HROB: variants seen among roughly 807,000 people sequenced by gnomAD.
HROB encodes homologous recombination OB-fold protein.
A neutral mutation model predicts 61.0 loss-of-function variants in HROB; 44 were observed. That is an observed-to-expected ratio of 0.72 (90% CI 0.57 to 0.93). The LOEUF (loss-of-function observed/expected upper bound fraction) is 0.93. Among genes scored for constraint, HROB ranks in the 40% least tolerant of loss-of-function variants. HROB has a pLI of 0.00. For missense variants in HROB, 716 were observed against 796.2 expected (o/e 0.90, Z 1.21); for synonymous variants, 301 against 310.4 (o/e 0.97, Z 0.32).
At chr17:44,159,829 C>T (rs1158634223) in intron 9 of HROB, among the ~76,000 whole-genome samples, 1 of 152,216 alleles carries the variant, frequency 6.6e-6, no homozygotes, top group East Asian at 1.9e-4. Context: ...AAAAGAAGAA[C>T]CAGGTATACA....
chr17:44,148,981 C>T lies in HROB; in HGVS notation c.1178C>T (p.Ala393Val). The change falls in exon 3 of 10, where the codon GCC becomes GTC. Residue 393 changes from alanine to valine, a missense_variant. By Grantham distance (64) the Ala-to-Val change is moderately conservative. Transcript: ENST00000585683. ...CAGCCCACCCATCCCTCCACCCGAGCCAAAACTCGCCGTTTCCCTGGCCCA... is the reference window on the plus strand; with the variant it reads ...CAGCCCACCCATCCCTCCACCCGAGTCAAAACTCGCCGTTTCCCTGGCCCA... ...PQQPTHPSTR[A>V]KTRRFPGPAG... 1 of 1,613,990 alleles carries T rather than the reference C, an allele frequency of 6.2e-7. No individual in the cohort carries two copies. The highest frequency in any genetic ancestry group is 1.7e-5 in the Admixed American group (1 of 60,002).
chr17:44,152,783 G>A lies in HROB; in HGVS notation c.1449+6G>A, dbSNP rs945748103. ...TTGTCATGGTGCTGCGCAAGGTAAG[G>A]ATTCTGGGTGCTGAGACCCAAAGGA... On this transcript the variant is annotated splice_donor_region_variant and intron_variant, in intron 5 of 9. Coordinates refer to ENST00000585683, the MANE Select transcript of HROB (RefSeq NM_001171251.3). 6.2e-6 allele frequency: 10 copies of A among 1,611,536 alleles called. No individual in the cohort carries two copies. Among genetic ancestry groups the A allele is most frequent in the Non-Finnish European group, 7.6e-6 (9 of 1,178,844 alleles).
chr17:44,156,464 T>C (rs1327476013), intron 8 of HROB, among the ~76,000 whole-genome samples: 1 of 152,140 alleles, frequency 6.6e-6, no homozygotes, highest in Non-Finnish European at 1.5e-5. Flanking sequence ...CCTCAGGTGA[T>C]TGGCCTGCCT....
intron 9 of HROB, among the ~76,000 whole-genome samples, chr17:44,159,670 C>T (rs937122877): frequency 2.6e-5 from 4 of 152,226 alleles, no homozygotes; most frequent in Non-Finnish European, 4.4e-5. Context: ...AAGCAAGTCA[C>T]GTGTCCACGT....
In HROB at chr17:44,141,972, G is replaced by GCGGC; in HGVS notation, c.-171_-170insCGGC. Reference sequence around the variant, plus strand: ...ATGCGGCCTAAGGCGCCTGCCGCCAGTCTCCTGGCGACTTTCCCTATATCG... The same window carrying GCGGC: ...ATGCGGCCTAAGGCGCCTGCCGCCAGCGGCTCTCCTGGCGACTTTCCCTATATCG... On this transcript the variant is annotated 5_prime_UTR_variant, in exon 1 of 10. Transcript: ENST00000585683. The GCGGC allele has an allele frequency of 3.2e-6, 3 of 935,768 alleles. No homozygotes were observed. The highest frequency in any genetic ancestry group is 4.6e-6 in the Non-Finnish European group (3 of 657,742). The allele number at this position is 935,768 out of a possible 1,614,324, so 58.0% of individuals were successfully genotyped here. A position where few individuals can be genotyped will look rare whatever the true frequency, so the allele number is the denominator to read the frequency against.
intron 1 of HROB, among the ~76,000 whole-genome samples, chr17:44,143,191 G>T (rs1000500311): frequency 6.6e-6 from 1 of 152,038 alleles, no homozygotes; most frequent in Admixed American, 6.5e-5. Context: ...ACCCGCCTTG[G>T]CGTCACAAAG....
In HROB at chr17:44,148,826, A is replaced by G. The variant is rs201288595; in HGVS notation, c.1023A>G (p.Gln341=). 6.2e-7 allele frequency: 1 copy of G among 1,613,986 alleles called. No homozygotes were observed. The highest frequency in any genetic ancestry group is 1.1e-5 in the South Asian group (1 of 91,074). The change falls in exon 3 of 10, where the codon CAA becomes CAG. Residue 341 remains glutamine (Q), a synonymous_variant. Coordinates refer to ENST00000585683, the MANE Select transcript of HROB (RefSeq NM_001171251.3). ...SSGLFPRIPL[Q]PQAPVSSIGS... ...GATTATTTCCTCGGATACCCTTACA[A>G]CCGCAAGCTCCAGTGTCTTCCATTG...
Position 44,157,879 on chromosome 17 carries a change from G to A in HROB, c.1817G>A (p.Gly606Asp), listed in dbSNP as rs768858212. The A allele has an allele frequency of 1.9e-6, 3 of 1,613,774 alleles. No homozygotes were observed. Among genetic ancestry groups the A allele is most frequent in the Non-Finnish European group, 2.5e-6 (3 of 1,179,828 alleles). Residue 606 changes from glycine to aspartate, a missense_variant, in exon 9 of 10, where the codon GGC becomes GAC. Physicochemically the swap from Gly to Asp is moderately conservative, Grantham distance 94. Coordinates refer to ENST00000585683, the MANE Select transcript of HROB (RefSeq NM_001171251.3). ...GATGTGGCTGCAAAGCCCGAGGAAG[G>A]CTTCAGAACAGCACAGAACCTAGAG... ...QHDVAAKPEEGFRTAQNLEAE... is the reference protein window; with the variant it reads ...QHDVAAKPEEDFRTAQNLEAE...
chr17:44,146,273 T>C (rs1020720912), intron 2 of HROB, among the ~76,000 whole-genome samples: 5 of 152,130 alleles, frequency 3.3e-5, no homozygotes, highest in Admixed American at 3.3e-4. Context: ...TGGTCTCAAA[T>C]TCCTGGGCTC....
chr17:44,151,377 G>C (rs2053799855), intron 4 of HROB, among the ~76,000 whole-genome samples: 1 of 152,154 alleles, frequency 6.6e-6, no homozygotes, highest in East Asian at 1.9e-4. Context: ...CTTCCTCTCA[G>C]GTTTCTGAGA....
In HROB at chr17:44,148,351, T is replaced by C. The variant is rs894857786; in HGVS notation, c.548T>C (p.Ile183Thr). 6.2e-7 allele frequency: 1 copy of C among 1,614,066 alleles called. No individual in the cohort carries two copies. The highest frequency in any genetic ancestry group is 8.5e-7 in the Non-Finnish European group (1 of 1,179,996). The change falls in exon 3 of 10, where the codon ATA (isoleucine) becomes ACA (threonine). Residue 183 changes from isoleucine to threonine, a missense_variant. Transcript: ENST00000585683. ...ELECGVSSEA[I>T]PILPAQQREG... ...GAATGTGGAGTCAGCAGTGAGGCCA[T>C]ACCAATCCTGCCTGCCCAGCAGCGG...
At position 44,145,114 on chromosome 17, in the gene HROB, T is replaced by TATCCCATCAGCC. The variant is rs2053573719; in HGVS notation, c.4-87_4-86insCCCATCAGCCAT. 3.0e-6 allele frequency: 4 copies of TATCCCATCAGCC among 1,346,458 alleles called. No homozygotes were observed. The African/African-American group carries it at 5.8e-5, about 20-fold the overall frequency. The allele number at this position is 1,346,458 out of a possible 1,614,324, so 83.4% of individuals were successfully genotyped here. On this transcript the variant is annotated intron_variant, in intron 1 of 9. Coordinates refer to ENST00000585683, the MANE Select transcript of HROB (RefSeq NM_001171251.3). ...AAACAAAAAACAATATACCTGATGG[T>TATCCCATCAGCC]ATTGTTAGTGCTGGGAAGAAGCAGA...
intron 4 of HROB, among the ~76,000 whole-genome samples, chr17:44,152,200 G>A (rs983256302): frequency 6.6e-6 from 1 of 151,612 alleles, no homozygotes. Flanking sequence ...GGCTGGTCTC[G>A]AACTCTTGTC....
chr17:44,162,085 G>A lies in HROB; in HGVS notation c.*153G>A. On this transcript the variant is annotated 3_prime_UTR_variant, in exon 10 of 10. Coordinates refer to ENST00000585683, the MANE Select transcript of HROB (RefSeq NM_001171251.3). The stretch of plus-strand genomic sequence containing the variant: ...CTCCCACCCTGGGTGTTTTCCCTGA[G>A]AGCCCCCTCATCTCTGCGCTGCCCT... 1.3e-6 allele frequency: 1 copy of A among 776,176 alleles called. No individual in the cohort carries two copies. Among genetic ancestry groups the A allele is most frequent in the South Asian group, 1.8e-5 (1 of 56,436 alleles). 48.1% of individuals were successfully genotyped at this position (776,176 alleles called of 1,614,324 possible).
At chr17:44,159,613 G>A (rs2054071885) in intron 9 of HROB, among the ~76,000 whole-genome samples, 1 of 152,250 alleles carries the variant, frequency 6.6e-6, no homozygotes. Flanking sequence ...TACAAGGCAA[G>A]GGGGCAGGGT....
At chr17:44,153,876 C>A (rs1448382319) in intron 5 of HROB, among the ~76,000 whole-genome samples, 2 of 150,838 alleles carry the variant, frequency 1.3e-5, no homozygotes, top group African/African-American at 4.9e-5. Context: ...ATGGTGAAAC[C>A]CCCTCTATTG....
intron 3 of HROB, among the ~76,000 whole-genome samples, chr17:44,149,738 G>C (rs1360219209): frequency 6.6e-6 from 1 of 152,180 alleles, no homozygotes; most frequent in Non-Finnish European, 1.5e-5. Context: ...TTATGTGTTG[G>C]ACAATTTGCT....
intron 8 of HROB, among the ~76,000 whole-genome samples, chr17:44,157,452 C>T (rs1300975867): frequency 7.4e-6 from 1 of 136,038 alleles, no homozygotes; most frequent in African/African-American, 2.9e-5. Flanking sequence ...CTCACTCTGT[C>T]CCCCAGGCTG....
chr17:44,153,813 G>A (rs1454778885), intron 5 of HROB, among the ~76,000 whole-genome samples: 2 of 152,108 alleles, frequency 1.3e-5, no homozygotes, highest in East Asian at 1.9e-4. Flanking sequence ...ACTTTGGGAG[G>A]CTGAGGCGGG....
Sources: allele counts gnomAD v4.1 joint callset (sites outside exome capture counted in the v4.1 genomes callset), GRCh38; gene constraint gnomAD v4.1.1; transcripts MANE v1.5; gene names NCBI Gene and HGNC (gene_info 2026-07-23, HGNC 2026-07-21).